The following VAT1L variants were observed in gnomAD, a reference collection of about 807,000 sequenced individuals.
The protein encoded by VAT1L is putative NADPH-dependent quinone oxidoreductase VAT1L.
VAT1L carries 34 observed loss-of-function variants against 44.1 expected under a neutral mutation model. That is an observed-to-expected ratio of 0.77 (90% CI 0.59 to 1.03). The LOEUF (loss-of-function observed/expected upper bound fraction) is 1.03, where lower values mean the gene tolerates loss of function less well. VAT1L is among the 50% of genes least tolerant of loss of function. The pLI, the probability that VAT1L is intolerant of heterozygous loss-of-function variation, is 0.00. For synonymous variants in VAT1L, 253 were observed against 202.2 expected, an observed-to-expected ratio of 1.25 and a Z score of -2.13; for missense variants, 615 against 538.8, an observed-to-expected ratio of 1.14 and a Z score of -1.40.
chr16:77,931,133 CT>C (rs2017726777), intron 7 of VAT1L, among the ~76,000 whole-genome samples: 1 of 152,174 alleles, frequency 6.6e-6, no homozygotes, highest in Non-Finnish European at 1.5e-5. Context: ...TCTTAATGCT[CT>C]TATTAGATTG....
At chr16:77,934,377 G>A (rs2017767829) in intron 7 of VAT1L, among the ~76,000 whole-genome samples, 1 of 151,988 alleles carries the variant, frequency 6.6e-6, no homozygotes, top group South Asian at 2.1e-4. Flanking sequence ...ATGACCAAAA[G>A]GATTTTACAG....
chr16:77,898,311 T>C (rs1246304008), intron 7 of VAT1L, among the ~76,000 whole-genome samples: 1 of 152,054 alleles, frequency 6.6e-6, no homozygotes, highest in Non-Finnish European at 1.5e-5. Flanking sequence ...TTTCAACATA[T>C]AAATATTTGG....
intron 4 of VAT1L, among the ~76,000 whole-genome samples, chr16:77,866,910 T>C (rs2016980433): frequency 6.6e-6 from 1 of 152,174 alleles, no homozygotes; most frequent in African/African-American, 2.4e-5. Context: ...CACGTCAAGA[T>C]GGACAGCCCC....
chr16:77,843,703 A>C (rs917290951), intron 3 of VAT1L, among the ~76,000 whole-genome samples: 1 of 152,230 alleles, frequency 6.6e-6, no homozygotes, highest in African/African-American at 2.4e-5. Context: ...CCCCCTTCAC[A>C]GGGCCAAACA....
At chr16:77,837,470 G>T (rs531670976) in intron 3 of VAT1L, among the ~76,000 whole-genome samples, 1 of 152,154 alleles carries the variant, frequency 6.6e-6, no homozygotes, top group Non-Finnish European at 1.5e-5. Flanking sequence ...TGCTGTGTTC[G>T]TGAAGGCAGG....
At chr16:77,967,184 G>A (rs897003669) in intron 7 of VAT1L, among the ~76,000 whole-genome samples, 1 of 152,192 alleles carries the variant, frequency 6.6e-6, no homozygotes, top group Non-Finnish European at 1.5e-5. Context: ...GGAAGGGGAA[G>A]CTGCCCTCTC....
intron 7 of VAT1L, among the ~76,000 whole-genome samples, chr16:77,927,599 C>T (rs1185761824): frequency 6.6e-6 from 1 of 152,028 alleles, no homozygotes; most frequent in Admixed American, 6.6e-5. Context: ...AAACTTTGGC[C>T]AGGCGCGGTA....
At chr16:77,901,901 G>T (rs540183859) in intron 7 of VAT1L, among the ~76,000 whole-genome samples, 11 of 152,278 alleles carry the variant, frequency 7.2e-5, no homozygotes, top group Admixed American at 2.0e-4. Context: ...CTGTTTCTCA[G>T]GATAATTTTC....
In VAT1L at chr16:77,816,944, T is replaced by A. The variant is rs141730992; in HGVS notation, c.257T>A (p.Met86Lys). 1.8e-5 allele frequency: 29 copies of A among 1,613,896 alleles called. No individual in the cohort carries two copies. In the African/African-American group the frequency reaches 3.6e-4, roughly 20 times the overall value. ...KACGLNFIDLMVRQGNIDNPP... is the reference protein window; with the variant it reads ...KACGLNFIDLKVRQGNIDNPP... Reference sequence around the variant, plus strand: ...AGTGGATTAAACTTCATTGACTTGATGGTGCGACAAGGGAATATTGACAAC... The same window carrying A: ...AGTGGATTAAACTTCATTGACTTGAAGGTGCGACAAGGGAATATTGACAAC... The change falls in exon 2 of 9, where the codon ATG (methionine) becomes AAG (lysine). Residue 86 changes from methionine to lysine, a missense_variant. Physicochemically the swap from Met to Lys is moderately conservative, Grantham distance 95 (BLOSUM62 -1). Coordinates refer to ENST00000302536, the MANE Select transcript of VAT1L (RefSeq NM_020927.3).
intron 7 of VAT1L, among the ~76,000 whole-genome samples, chr16:77,965,779 G>A (rs992360869): frequency 4.6e-5 from 7 of 152,136 alleles, no homozygotes; most frequent in Non-Finnish European, 7.3e-5. Flanking sequence ...ACCTCTAGGT[G>A]AGGCTCAGCC....
rs143665170 is a variant in VAT1L, at chr16:77,868,304, T to A, written c.722+5414T>A. 7.5e-3 allele frequency among the ~76,000 whole-genome samples: 1,142 copies of A among 152,300 alleles called. 9 individuals are homozygous for A. The highest frequency in any genetic ancestry group is 0.012 in the South Asian group (59 of 4,826). On this transcript the variant is annotated intron_variant, in intron 4 of 8. Coordinates refer to ENST00000302536, the MANE Select transcript of VAT1L (RefSeq NM_020927.3). Reference sequence around the variant, plus strand: ...GAAAAATTATGAAGTGAGACCATTGTAAATGGAGTACCATCTATATTAGTG... The same window carrying A: ...GAAAAATTATGAAGTGAGACCATTGAAAATGGAGTACCATCTATATTAGTG...
chr16:77,811,489 C>T (rs1248633215), intron 1 of VAT1L, among the ~76,000 whole-genome samples: 2 of 152,132 alleles, frequency 1.3e-5, no homozygotes, highest in Non-Finnish European at 2.9e-5. Flanking sequence ...ATAGATCACA[C>T]AATGACAGCC....
At chr16:77,814,447 G>A (rs2016318061) in intron 1 of VAT1L, among the ~76,000 whole-genome samples, 1 of 152,258 alleles carries the variant, frequency 6.6e-6, no homozygotes, top group Middle Eastern at 3.4e-3. Flanking sequence ...TCTTCTCATT[G>A]GAATTTAAGT....
chr16:77,961,419 C>G (rs1432487717), intron 7 of VAT1L, among the ~76,000 whole-genome samples: 1 of 152,192 alleles, frequency 6.6e-6, no homozygotes, highest in Admixed American at 6.5e-5. Flanking sequence ...TGCCCTACTC[C>G]TGGCTCTCAG....
At chr16:77,929,369 T>C (rs1023972779) in intron 7 of VAT1L, among the ~76,000 whole-genome samples, 1 of 152,190 alleles carries the variant, frequency 6.6e-6, no homozygotes, top group South Asian at 2.1e-4. Context: ...CCTCTGTGCA[T>C]GTGTTTTTAG....
chr16:77,831,331 G>C lies in VAT1L; in HGVS notation c.579+5870G>C, dbSNP rs550473282. On this transcript the variant is annotated intron_variant, in intron 3 of 8. Transcript: ENST00000302536. ...GAGAGGAGATGAGGCAGAGAAGAAA[G>C]AGAGCAGAAGGGAGGGAGAGGTTTC... Among the ~76,000 whole-genome samples the C allele has an allele frequency of 2.6e-5, 4 of 152,326 alleles. No homozygotes were observed. The South Asian group carries it at 8.3e-4, about 32-fold the overall frequency.
intron 4 of VAT1L, among the ~76,000 whole-genome samples, chr16:77,872,536 G>A (rs902916415): frequency 3.3e-5 from 5 of 152,106 alleles, no homozygotes; most frequent in African/African-American, 4.8e-5. Flanking sequence ...CCAAGAGTCC[G>A]TGTGGTCCAA....
intron 3 of VAT1L, among the ~76,000 whole-genome samples, chr16:77,841,405 T>C (rs1301744827): frequency 6.6e-6 from 1 of 152,228 alleles, no homozygotes; most frequent in African/African-American, 2.4e-5. Context: ...TTTATGAGCA[T>C]TGAGAAATGT....
chr16:77,825,832 C>G (rs550135279), intron 3 of VAT1L, among the ~76,000 whole-genome samples: 1 of 145,888 alleles, frequency 6.9e-6, no homozygotes, highest in South Asian at 2.2e-4. Flanking sequence ...CTGGCTAACA[C>G]GGTGAAACCC....
Sources: allele counts gnomAD v4.1 joint callset (sites outside exome capture counted in the v4.1 genomes callset), GRCh38; gene constraint gnomAD v4.1.1; transcripts MANE v1.5; gene names NCBI Gene and HGNC (gene_info 2026-07-23, HGNC 2026-07-21).